Variants in TRIM39 observed in about 807,000 individuals in gnomAD.
The protein encoded by TRIM39 is tripartite motif containing 39.
In TRIM39, 5 loss-of-function variants were observed where a neutral mutation model predicts 53.6. The ratio of observed to expected loss-of-function variants is 0.09; its 90% CI spans 0.05 to 0.20. The LOEUF (loss-of-function observed/expected upper bound fraction) is 0.20. Among genes scored for constraint, TRIM39 ranks in the 10% least tolerant of loss-of-function variants. TRIM39 has a pLI of 1.00. For synonymous variants in TRIM39, 196 were observed against 237.6 expected, an observed-to-expected ratio of 0.82 and a Z score of 1.61; for missense variants, 310 against 621.0, an observed-to-expected ratio of 0.50 and a Z score of 5.32.
At chr6:30,328,082 C>T (rs180917323) in intron 1 of TRIM39, among the ~76,000 whole-genome samples, 145 of 152,298 alleles carry the variant, frequency 9.5e-4, no homozygotes, top group Non-Finnish European at 1.4e-3. Context: ...AGGGGGCCAG[C>T]CTTGTGTTTT....
In TRIM39 at chr6:30,342,241, C is replaced by T. The variant is rs753545509; in HGVS notation, c.1449C>T (p.Pro483=). 13 of 1,612,768 alleles carry T rather than the reference C, an allele frequency of 8.1e-6. No homozygotes were observed. The highest frequency in any genetic ancestry group is 1.1e-5 in the Non-Finnish European group (13 of 1,179,940). Reference sequence around the variant, plus strand: ...ATGCTGCACCACTTACCATCAGGCCCCCAACAGATTGGGAGTGACAGGTTG... The same window carrying T: ...ATGCTGCACCACTTACCATCAGGCCTCCAACAGATTGGGAGTGACAGGTTG... Residue 483 remains proline (P), a synonymous_variant, in exon 8 of 8, where the codon CCC becomes CCT. Coordinates refer to ENST00000396551, the Ensembl canonical transcript of TRIM39. This position sits in a 1 kb window ranked among gnomAD's most constrained non-coding sequence, Gnocchi z 4.7.
At chr6:30,341,497 T>G in intron 7 of TRIM39, 2 of 779,320 alleles carry the variant, frequency 2.6e-6, no homozygotes, top group Non-Finnish European at 4.5e-6. Flanking sequence ...ACTCAAGAGA[T>G]TATTATCTGT....
In TRIM39 at chr6:30,342,056, A is replaced by G; in HGVS notation, c.1264A>G (p.Lys422Glu). The G allele has an allele frequency of 6.2e-7, 1 of 1,613,006 alleles. No homozygotes were observed. The highest frequency in any genetic ancestry group is 1.1e-5 in the South Asian group (1 of 91,080). ...CACACCTTTTACCCCTTTGCACATC[A>G]AGGTGAAACCCAAGCGGGTAGGCAT... The change falls in exon 8 of 8, where the codon AAG becomes GAG. Residue 422 changes from lysine to glutamate, a missense_variant. By Grantham distance (56) the Lys-to-Glu change is moderately conservative. Around this residue, in one of 5 missense-constraint regions of TRIM39, gnomAD observed 75 missense variants for 244.8 expected, o/e 0.31. Coordinates refer to ENST00000396551, the Ensembl canonical transcript of TRIM39. The surrounding 1 kb of genome is among the most constrained non-coding windows in gnomAD (Gnocchi z 4.7).
At chr6:30,333,353 G>GTT (rs9278647) in intron 4 of TRIM39, among the ~76,000 whole-genome samples, 383 of 106,042 alleles carry the variant, frequency 3.6e-3, no homozygotes, top group Middle Eastern at 6.4e-3. Context: ...TGTTTTTGTG[G>GTT]TTTTTTTTTT....
In TRIM39 at chr6:30,329,302, A is replaced by G; in HGVS notation, c.-7-9A>G. ...TTTTATTTTCTCTGTCCTCTTCCCC[A>G]CTCCCAAGTTAAATTATGGCAGAGA... is the stretch of plus-strand genomic sequence containing the variant. On this transcript the variant is annotated splice_polypyrimidine_tract_variant and intron_variant, in intron 2 of 7. Transcript: ENST00000396551. 1.9e-6 allele frequency: 3 copies of G among 1,598,798 alleles called. No individual in the cohort carries two copies. The highest frequency in any genetic ancestry group is 1.7e-6 in the Non-Finnish European group (2 of 1,172,618).
rs1787194819 is a variant in TRIM39 at position 30,339,131 on chromosome 6, C to CA, written c.781-776dup. On this transcript the variant is annotated intron_variant, in intron 5 of 7. Coordinates refer to ENST00000396551, the Ensembl canonical transcript of TRIM39. This position sits in a 1 kb window ranked among gnomAD's most constrained non-coding sequence, Gnocchi z 4.2. ...GTATTCACAAATCAGTATTAGCACA[C>CA]AGTTATTAATGTGTTTATTCTTCCT... Among the ~76,000 whole-genome samples, 1 of 151,728 alleles carries CA rather than the reference C, an allele frequency of 6.6e-6. No homozygotes were observed. The highest frequency in any genetic ancestry group is 2.1e-4 in the South Asian group (1 of 4,812).
At chr6:30,329,276 T>G in intron 2 of TRIM39, 35 bp from the exon 3 acceptor site, 1 of 1,547,794 alleles carries the variant, frequency 6.5e-7, no homozygotes, top group Non-Finnish European at 8.7e-7. Flanking sequence ...CCAATTAATA[T>G]TTTTATTTTC....
exon 3 of TRIM39, chr6:30,329,503 G>A: frequency 6.2e-7 from 1 of 1,613,074 alleles, no homozygotes; most frequent in Non-Finnish European, 8.5e-7. Flanking sequence ...ACCTAGAGAG[G>A]GACTTCCCTT....
Position 30,342,347 on chromosome 6 carries a change from C to A in TRIM39, c.*88C>A. On this transcript the variant is annotated 3_prime_UTR_variant, in exon 8 of 8. Transcript: ENST00000396551. This position sits in a 1 kb window ranked among gnomAD's most constrained non-coding sequence, Gnocchi z 4.7. Reference sequence around the variant, plus strand: ...TGTCCTGCTGGAACGTCTTCGTGTCCACCTGGGTCCAGTCCTGAATCATCT... The same window carrying A: ...TGTCCTGCTGGAACGTCTTCGTGTCAACCTGGGTCCAGTCCTGAATCATCT... 7.2e-7 allele frequency: 1 copy of A among 1,386,490 alleles called. No individual in the cohort carries two copies. The highest frequency in any genetic ancestry group is 1.0e-6 in the Non-Finnish European group (1 of 997,490). 85.9% of individuals were successfully genotyped at this position (1,386,490 alleles called of 1,614,324 possible). A position where few individuals can be genotyped will look rare whatever the true frequency, so the allele number is the denominator to read the frequency against.
intron 4 of TRIM39, among the ~76,000 whole-genome samples, chr6:30,334,761 A>G (rs1024922529): frequency 6.6e-6 from 1 of 152,146 alleles, no homozygotes; most frequent in Non-Finnish European, 1.5e-5. Context: ...GTTTTGAGAC[A>G]GAATCTCACT....
chr6:30,329,584 A>C (rs1785866165), exon 3 of TRIM39: 4 of 1,613,062 alleles, frequency 2.5e-6, no homozygotes, highest in Non-Finnish European at 3.4e-6. Context: ...GTATGGTGGA[A>C]ATTGCCAAGC....
rs755781456 is a variant in TRIM39 at position 30,342,044 on chromosome 6, C to G, written c.1252C>G (p.Pro418Ala). Residue 418 changes from proline (P) to alanine (A), a missense_variant, in exon 8 of 8, where the codon CCT becomes GCT. Physicochemically the swap from Pro to Ala is conservative, Grantham distance 27. Around this residue, in one of 5 missense-constraint regions of TRIM39, gnomAD observed 75 missense variants for 244.8 expected, o/e 0.31. Transcript: ENST00000396551. This position sits in a 1 kb window ranked among gnomAD's most constrained non-coding sequence, Gnocchi z 4.7. ...TGCAGCCACCACCACACCTTTTACC[C>G]CTTTGCACATCAAGGTGAAACCCAA... 1 of 1,613,064 alleles carries G rather than the reference C, an allele frequency of 6.2e-7. No homozygotes were observed. The highest frequency in any genetic ancestry group is 8.5e-7 in the Non-Finnish European group (1 of 1,180,028).
intron 1 of TRIM39, 170 bp downstream of exon 1, chr6:30,327,165 A>AGCGCGTCCGGCGTTGCTTG (rs1177955911): frequency 6.6e-6 from 1 of 152,570 alleles, no homozygotes; most frequent in Non-Finnish European, 1.5e-5. Flanking sequence ...CGGCGACGTC[A>AGCGCGTCCGGCGTTGCTTG]GCGCGTCCGG....
chr6:30,341,303 AAC>A, intron 7 of TRIM39: 1 of 475,478 alleles, frequency 2.1e-6, no homozygotes, highest in Non-Finnish European at 4.3e-6. Flanking sequence ...GTTCCTGGAA[AAC>A]ACACATGGTC....
rs766537366 is a variant in TRIM39, at chr6:30,335,749, T to G, written c.554T>G (p.Leu185Arg). 14 of 1,612,754 alleles carry G rather than the reference T, an allele frequency of 8.7e-6. No individual in the cohort carries two copies. The highest frequency in any genetic ancestry group is 1.2e-5 in the Non-Finnish European group (14 of 1,179,928). ...ACATCTTCCCTCTCTTCTCAGAGAC[T>G]AGTGGAAAGTCGCCGACAGCAGATC... The change falls in exon 5 of 8, where the codon CTA (leucine) becomes CGA (arginine). Residue 185 changes from leucine to arginine, a missense_variant. By Grantham distance (102) the Leu-to-Arg change is moderately radical. Coordinates refer to ENST00000396551, the Ensembl canonical transcript of TRIM39. The surrounding 1 kb of genome is among the most constrained non-coding windows in gnomAD (Gnocchi z 4.7).
At chr6:30,340,073 A>G in intron 6 of TRIM39, 143 bp downstream of exon 6, 1 of 1,359,912 alleles carries the variant, frequency 7.4e-7, no homozygotes, top group Non-Finnish European at 1.0e-6. Flanking sequence ...CATTGTGCCC[A>G]TGAAGCCAGT....
Position 30,326,925 on chromosome 6 carries a change from G to A in TRIM39, c.-231G>A, listed in dbSNP as rs1242868513. The A allele has an allele frequency of 6.6e-6, 1 of 152,270 alleles. No individual in the cohort carries two copies. Among genetic ancestry groups the A allele is most frequent in the Non-Finnish European group, 1.5e-5 (1 of 68,108 alleles). The allele number at this position is 152,270 out of a possible 1,614,324, so 9.4% of individuals were successfully genotyped here. A position where few individuals can be genotyped will look rare whatever the true frequency, so the allele number is the denominator to read the frequency against. On this transcript the variant is annotated 5_prime_UTR_variant, in exon 1 of 8. Transcript: ENST00000396551. ...TGTCGCGCCGCGGGGCGGGGGCGAG[G>A]GGAGGAGGAAGGAGGGAGGCAGCGC...
intron 4 of TRIM39, among the ~76,000 whole-genome samples, chr6:30,331,295 A>C (rs1582011713): frequency 1.7e-5 from 1 of 60,508 alleles, no homozygotes; most frequent in Non-Finnish European, 3.4e-5. Flanking sequence ...CAAACAAAAA[A>C]AAAAAGAACA....
chr6:30,340,235 A>G, intron 6 of TRIM39: 1 of 1,566,556 alleles, frequency 6.4e-7, no homozygotes, highest in Non-Finnish European at 8.8e-7. Flanking sequence ...GGGTTGGGAG[A>G]GCAGGGAGGG....
Sources: gnomAD v4.1 joint callset for allele counts (sites outside exome capture counted in the v4.1 genomes callset) on GRCh38, gnomAD v4.1.1 for gene constraint, gnomAD v4.1.1 regional missense constraint, Gnocchi (gnomAD v3.1) non-coding constraint, MANE v1.5 for transcripts, NCBI Gene and HGNC (gene_info 2026-07-23, HGNC 2026-07-21) for gene names.